Variants in MBTPS1 observed in about 807,000 individuals in gnomAD.
MBTPS1 encodes the protein membrane bound transcription factor peptidase, site 1.
Under a neutral mutation model 127.8 loss-of-function variants are expected in MBTPS1, and 94 were observed. The ratio of observed to expected loss-of-function variants is 0.74; its 90% CI spans 0.62 to 0.87. The LOEUF (loss-of-function observed/expected upper bound fraction) is 0.87, where lower values mean the gene tolerates loss of function less well. MBTPS1 is among the 40% of genes least tolerant of loss of function. The pLI, the probability that MBTPS1 is intolerant of heterozygous loss-of-function variation, is 0.00. For synonymous variants in MBTPS1, 632 were observed against 509.4 expected (o/e 1.24, Z -3.24); for missense variants, 1,636 against 1,353.2 (o/e 1.21, Z -3.28).
intron 14 of MBTPS1, 25 bp downstream of exon 14, chr16:84,069,841 G>C: frequency 6.2e-7 from 1 of 1,601,134 alleles, no homozygotes; most frequent in South Asian, 1.1e-5. Context: ...CTGGGGAGGT[G>C]AAGTGCATCC....
intron 21 of MBTPS1, chr16:84,057,058 G>A (rs565132956): frequency 6.6e-6 from 1 of 152,338 alleles, no homozygotes; most frequent in African/African-American, 2.4e-5. Context: ...TGAAAGCAAA[G>A]ACGTCCAGTC....
chr16:84,056,514 C>T (rs1284241507), intron 21 of MBTPS1: 1 of 169,960 alleles, frequency 5.9e-6, no homozygotes, highest in Non-Finnish European at 1.3e-5. Context: ...CTGGGGCTAT[C>T]GAGGTCCTCT....
At chr16:84,063,592 G>T in intron 18 of MBTPS1, 147 bp from the exon 19 acceptor site, 1 of 763,350 alleles carries the variant, frequency 1.3e-6, no homozygotes, top group Non-Finnish European at 2.1e-6. Context: ...GAATAGAAAA[G>T]CCTTAAGAAT....
chr16:84,097,962 CTTCT>C (rs568486149), intron 3 of MBTPS1, among the ~76,000 whole-genome samples: 5 of 151,558 alleles, frequency 3.3e-5, no homozygotes, highest in Admixed American at 1.3e-4. Flanking sequence ...TTTCTTCTTC[CTTCT>C]GATGAAAGAA....
chr16:84,099,889 A>G (rs1314747193), intron 2 of MBTPS1, among the ~76,000 whole-genome samples: 1 of 152,244 alleles, frequency 6.6e-6, no homozygotes, highest in Non-Finnish European at 1.5e-5. Context: ...AAGTTTGAAT[A>G]CACAACAAAG....
At chr16:84,057,162 C>G (rs2085534677) in intron 21 of MBTPS1, 1 of 152,228 alleles carries the variant, frequency 6.6e-6, no homozygotes, top group Non-Finnish European at 1.5e-5. Flanking sequence ...GAGACTCCCA[C>G]TCGATACTCC....
chr16:84,078,705 G>A (rs1227692731), intron 11 of MBTPS1, among the ~76,000 whole-genome samples: 3 of 152,192 alleles, frequency 2.0e-5, no homozygotes, highest in South Asian at 2.1e-4. Flanking sequence ...CACAGGATAC[G>A]GCTGTGAAAA....
chr16:84,090,947 A>C lies in MBTPS1; in HGVS notation c.964-5T>G, dbSNP rs1401387757. 1 of 1,602,776 alleles carries C rather than the reference A, an allele frequency of 6.2e-7. No homozygotes were observed. The highest frequency in any genetic ancestry group is 8.5e-7 in the Non-Finnish European group (1 of 1,170,746). ...GTTAGCTGTTAATTCCCACACCTAC[A>C]AAAGGAGCATTTATTTAATGAAAGT... On this transcript the variant is annotated splice_region_variant and splice_polypyrimidine_tract_variant and intron_variant, in intron 7 of 22. Transcript: ENST00000343411.
At chr16:84,054,942 C>T (rs1287618961) in intron 22 of MBTPS1, among the ~76,000 whole-genome samples, 1 of 152,162 alleles carries the variant, frequency 6.6e-6, no homozygotes, top group Non-Finnish European at 1.5e-5. Context: ...TCTGTCACAA[C>T]CTACCGAAGG....
At chr16:84,069,411 T>C (rs2085737558) in intron 14 of MBTPS1, among the ~76,000 whole-genome samples, 1 of 134,210 alleles carries the variant, frequency 7.5e-6, no homozygotes, top group Non-Finnish European at 1.7e-5. Flanking sequence ...TGAGGCAAAC[T>C]GTGTTAGAAT....
At chr16:84,075,579 C>T (rs1185770443) in intron 11 of MBTPS1, 1 of 152,280 alleles carries the variant, frequency 6.6e-6, no homozygotes, top group African/African-American at 2.4e-5. Context: ...TCAAGCTGCA[C>T]CCACGTGCAG....
At chr16:84,110,210 G>A (rs115659533) in intron 1 of MBTPS1, among the ~76,000 whole-genome samples, 1,782 of 152,242 alleles carry the variant, frequency 0.012, 38 homozygotes, top group African/African-American at 0.04. Flanking sequence ...CAATTGTTAC[G>A]TAGAAGGACA....
chr16:84,097,872 T>TGTGTGTG (rs1486515850), intron 3 of MBTPS1, among the ~76,000 whole-genome samples: 90 of 92,302 alleles, frequency 9.8e-4, no homozygotes, highest in Middle Eastern at 0.014. Flanking sequence ...GTGTGTGTGT[T>TGTGTGTG]TGTGTGTGTG....
In MBTPS1 at chr16:84,116,755, G is replaced by A. The variant is rs974879641; in HGVS notation, c.-345C>T. 6.6e-6 allele frequency: 1 copy of A among 152,248 alleles called. No homozygotes were observed. Among genetic ancestry groups the A allele is most frequent in the Middle Eastern group, 3.4e-3 (1 of 292 alleles). 9.4% of individuals were successfully genotyped at this position (152,248 alleles called of 1,614,324 possible). A position where few individuals can be genotyped will look rare whatever the true frequency, so the allele number is the denominator to read the frequency against. The stretch of plus-strand genomic sequence containing the variant: ...CGTACCTGCGCCGCCGGGAGCTCAG[G>A]GCCGGCGGGCCCGGGATAACGGCGC... On this transcript the variant is annotated 5_prime_UTR_variant, in exon 1 of 23. Transcript: ENST00000343411.
intron 1 of MBTPS1, among the ~76,000 whole-genome samples, chr16:84,114,330 G>C (rs973034692): frequency 2.0e-5 from 3 of 152,082 alleles, no homozygotes; most frequent in Admixed American, 2.0e-4. Flanking sequence ...CCATCCATCA[G>C]GTGGTCTTGT....
chr16:84,107,983 G>A (rs111967423), intron 1 of MBTPS1, among the ~76,000 whole-genome samples: 48 of 150,640 alleles, frequency 3.2e-4, no homozygotes, highest in African/African-American at 1.1e-3. Context: ...TGGGATTATA[G>A]GCATGAGCCA....
intron 3 of MBTPS1, among the ~76,000 whole-genome samples, chr16:84,098,276 A>C (rs914426345): frequency 6.6e-6 from 1 of 152,318 alleles, no homozygotes; most frequent in East Asian, 1.9e-4. Flanking sequence ...CTTTGACAAA[A>C]ACAAAACGAA....
At chr16:84,090,612 A>T (rs1387390756) in intron 8 of MBTPS1, among the ~76,000 whole-genome samples, 1 of 152,232 alleles carries the variant, frequency 6.6e-6, no homozygotes, top group African/African-American at 2.4e-5. Flanking sequence ...TTAGGCCTCT[A>T]AATTACTATT....
In MBTPS1 at chr16:84,065,760, A is replaced by G. The variant is rs111227293; in HGVS notation, c.2361T>C (p.Tyr787=). ...EFTLANHDMY[Y]ASGCSIAKFP... ...ACTTCGCGATGCTGCACCCTGACGC[A>G]TAATACACTAGGAAAGAGTGTTCAA... Residue 787 remains tyrosine (Y), a synonymous_variant, in exon 18 of 23, where the codon TAT becomes TAC. Transcript: ENST00000343411. 6.3e-7 allele frequency: 1 copy of G among 1,598,836 alleles called. No individual in the cohort carries two copies. The highest frequency in any genetic ancestry group is 1.1e-5 in the South Asian group (1 of 88,384).
Sources: gnomAD v4.1 joint callset for allele counts (sites outside exome capture counted in the v4.1 genomes callset) on GRCh38, gnomAD v4.1.1 for gene constraint, MANE v1.5 for transcripts, NCBI Gene and HGNC (gene_info 2026-07-23, HGNC 2026-07-21) for gene names.